Variants in ACTR3C observed in about 807,000 individuals in gnomAD.
ACTR3C encodes the protein actin related protein 3C.
Under a neutral mutation model 26.3 loss-of-function variants are expected in ACTR3C, and 18 were observed. The observed-to-expected ratio is 0.68, with a 90% confidence interval of 0.47 to 1.01. ACTR3C has a LOEUF of 1.01. ACTR3C is among the 50% of genes least tolerant of loss of function. The pLI, the probability that ACTR3C is intolerant of heterozygous loss-of-function variation, is 0.00. For synonymous variants in ACTR3C, 55 were observed against 94.5 expected (o/e 0.58, Z 2.42); for missense variants, 184 against 250.7 (o/e 0.73, Z 1.80).
the ACTR3C span, among the ~76,000 whole-genome samples, chr7:149,969,328 T>TGA: frequency 1.0e-5 from 1 of 98,980 alleles, no homozygotes; most frequent in African/African-American, 3.4e-5. Context: ...TGTGTGTGTG[T>TGA]GTGATGCTGC....
chr7:150,039,055 C>T, the ACTR3C span, among the ~76,000 whole-genome samples: 8 of 142,446 alleles, frequency 5.6e-5, no homozygotes, highest in South Asian at 8.9e-4. Context: ...TACCTGCTGT[C>T]GGAAGATTTG....
chr7:150,303,491 AC>A (rs1310531876), intron 1 of ACTR3C, among the ~76,000 whole-genome samples: 2 of 152,238 alleles, frequency 1.3e-5, no homozygotes, highest in Non-Finnish European at 2.9e-5. Context: ...GCTGCCAAAA[AC>A]ATTTCACTGT....
At chr7:150,025,551 T>G in the ACTR3C span, among the ~76,000 whole-genome samples, 1 of 152,012 alleles carries the variant, frequency 6.6e-6, no homozygotes, top group African/African-American at 2.4e-5. Context: ...CCTCTTTTAC[T>G]CTCATTTGAA....
chr7:150,093,396 T>C, the ACTR3C span, among the ~76,000 whole-genome samples: 2 of 151,300 alleles, frequency 1.3e-5, no homozygotes, highest in East Asian at 3.8e-4. Context: ...ACAATGTCTA[T>C]ACTCACAGAC....
At chr7:150,270,376 T>C (rs1256311002) in intron 6 of ACTR3C, among the ~76,000 whole-genome samples, 1 of 150,724 alleles carries the variant, frequency 6.6e-6, no homozygotes, top group Non-Finnish European at 1.5e-5. Flanking sequence ...ACCAACTCCT[T>C]TCACCTTGCC....
the ACTR3C span, among the ~76,000 whole-genome samples, chr7:150,078,433 C>T: frequency 6.7e-6 from 1 of 148,764 alleles, no homozygotes; most frequent in South Asian, 2.2e-4. Flanking sequence ...TTACTTTTTC[C>T]ATCACAAAAT....
chr7:149,894,192 A>C, the ACTR3C span, among the ~76,000 whole-genome samples: 1 of 152,252 alleles, frequency 6.6e-6, no homozygotes, highest in African/African-American at 2.4e-5. Flanking sequence ...CTGGATATCC[A>C]CATGCAGAAG....
At chr7:149,970,319 A>T in the ACTR3C span, among the ~76,000 whole-genome samples, 4,328 of 151,610 alleles carry the variant, frequency 0.029, 186 homozygotes, top group African/African-American at 0.098. Context: ...TCGAATCGTG[A>T]TGCTCGATGG....
chr7:150,312,994 T>C (rs1240885693), intron 1 of ACTR3C, among the ~76,000 whole-genome samples: 3 of 152,206 alleles, frequency 2.0e-5, no homozygotes, highest in Non-Finnish European at 4.4e-5. Flanking sequence ...CATTATGACT[T>C]GTCCTGGCCC....
In ACTR3C at chr7:150,323,457, TGCGGCTCTTACCTGCCGAGG is replaced by T; in HGVS notation, c.-60_-52+11del. ...GCCGCCAGGCGGCGGGCGGCGGGGC[TGCGGCTCTTACCTGCCGAGG>T]AGGCGCCGGCTCTGCGGTGCGGAGT... is the stretch of plus-strand genomic sequence containing the variant. On this transcript the variant is annotated splice_donor_variant and splice_donor_5th_base_variant and 5_prime_UTR_variant and intron_variant, in exon 1 of 8. Coordinates refer to ENST00000683684, the MANE Select transcript of ACTR3C (RefSeq NM_001164458.2). LOFTEE classifies it low-confidence loss of function (5UTR_SPLICE). The T allele has an allele frequency of 2.7e-6, 1 of 370,410 alleles. No homozygotes were observed. The highest frequency in any genetic ancestry group is 5.2e-6 in the Non-Finnish European group (1 of 192,342). 22.9% of individuals were successfully genotyped at this position (370,410 alleles called of 1,614,324 possible).
chr7:149,983,464 T>TATATATATATATATATATATAC, the ACTR3C span, among the ~76,000 whole-genome samples: 1 of 127,056 alleles, frequency 7.9e-6, no homozygotes, highest in Non-Finnish European at 1.6e-5. Context: ...TATATATATA[T>TATATATATATATATATATATAC]GTAGGAAAAC....
At chr7:150,041,903 T>G in the ACTR3C span, among the ~76,000 whole-genome samples, 5 of 101,800 alleles carry the variant, frequency 4.9e-5, no homozygotes, top group Admixed American at 2.1e-4. Context: ...ATGGGGGTCC[T>G]CAGAGCCAGG....
the ACTR3C span, among the ~76,000 whole-genome samples, chr7:150,024,888 A>C: frequency 5.3e-5 from 8 of 150,806 alleles, no homozygotes; most frequent in Non-Finnish European, 1.2e-4. Context: ...AAAAGGAATC[A>C]AATCCTGTCT....
downstream of ACTR3C, chr7:150,244,667 A>G (rs528690385): frequency 6.5e-6 from 1 of 153,650 alleles, no homozygotes; most frequent in South Asian, 2.0e-4. Flanking sequence ...GCAGTTGCCC[A>G]AACCTACAGA....
the ACTR3C span, among the ~76,000 whole-genome samples, chr7:150,188,705 A>G: frequency 0.047 from 6,861 of 146,476 alleles, no homozygotes; most frequent in African/African-American, 0.17. Context: ...CTTGATTATC[A>G]TGGTGCTGAT....
At chr7:150,033,678 G>A in the ACTR3C span, among the ~76,000 whole-genome samples, 25 of 151,590 alleles carry the variant, frequency 1.6e-4, no homozygotes, top group Middle Eastern at 3.6e-3. Context: ...CCTCGCGGGG[G>A]GTGCCTCCCC....
the ACTR3C span, among the ~76,000 whole-genome samples, chr7:150,180,669 C>T: frequency 3.4e-5 from 5 of 149,002 alleles, no homozygotes; most frequent in Non-Finnish European, 7.4e-5. Flanking sequence ...CGCGCCACCA[C>T]GCCTGGCTAA....
the ACTR3C span, among the ~76,000 whole-genome samples, chr7:150,038,168 G>C: frequency 7.0e-6 from 1 of 142,664 alleles, no homozygotes; most frequent in Non-Finnish European, 1.6e-5. Context: ...GGGCCTTTAT[G>C]TTCAGGTTTT....
At chr7:150,174,404 G>A in the ACTR3C span, among the ~76,000 whole-genome samples, 1 of 130,088 alleles carries the variant, frequency 7.7e-6, no homozygotes, top group East Asian at 2.1e-4. Flanking sequence ...GGAAAGACTG[G>A]CCCCCATGAT....
Sources: gnomAD v4.1 joint callset for allele counts (sites outside exome capture counted in the v4.1 genomes callset) on GRCh38, gnomAD v4.1.1 for gene constraint, MANE v1.5 for transcripts, NCBI Gene and HGNC (gene_info 2026-07-23, HGNC 2026-07-21) for gene names.